The following XPO5 variants were observed in gnomAD, a reference collection of about 807,000 sequenced individuals.
XPO5 encodes the protein exportin-5.
A neutral mutation model predicts 160.6 loss-of-function variants in XPO5; 46 were observed. The ratio of observed to expected loss-of-function variants is 0.29; its 90% CI spans 0.23 to 0.37. The LOEUF is 0.37. Ranked by LOEUF, XPO5 falls within the 10% of genes least tolerant of loss-of-function variation. The pLI is 1.00. For synonymous variants in XPO5, 537 were observed against 519.3 expected (o/e 1.03, Z -0.46); for missense variants, 1,090 against 1,463.9 (o/e 0.74, Z 4.17).
intron 1 of XPO5, among the ~76,000 whole-genome samples, chr6:43,574,136 A>G (rs1250748136): frequency 1.3e-5 from 2 of 151,842 alleles, no homozygotes; most frequent in African/African-American, 4.8e-5. Context: ...GGCCCACTAA[A>G]AATATTTTTT....
At chr6:43,540,535 C>T (rs1422958349) in intron 20 of XPO5, among the ~76,000 whole-genome samples, 2 of 152,172 alleles carry the variant, frequency 1.3e-5, no homozygotes, top group Non-Finnish European at 2.9e-5. Context: ...CACCTGTAAT[C>T]CCAGCTACTC....
At chr6:43,540,919 A>AT (rs1794657476) in intron 20 of XPO5, among the ~76,000 whole-genome samples, 1 of 148,822 alleles carries the variant, frequency 6.7e-6, no homozygotes. Flanking sequence ...CTATTCAGCC[A>AT]TAAAAAAAAA....
chr6:43,524,333 C>G (rs1449403532), intron 31 of XPO5, 138 bp downstream of exon 31: 1 of 1,156,002 alleles, frequency 8.7e-7, no homozygotes, highest in Non-Finnish European at 1.2e-6. Flanking sequence ...GCCTGGGCAA[C>G]AAGAGTGAAA....
rs775502477 is a variant in XPO5, at chr6:43,558,459, T to C, written c.1312+42A>G. The C allele has an allele frequency of 9.9e-6, 15 of 1,522,398 alleles. No individual in the cohort carries two copies. In the African/African-American group the frequency reaches 1.4e-4, roughly 14 times the overall value. 94.3% of individuals were successfully genotyped at this position (1,522,398 alleles called of 1,614,324 possible). A position where few individuals can be genotyped will look rare whatever the true frequency, so the allele number is the denominator to read the frequency against. The stretch of plus-strand genomic sequence containing the variant: ...CCATGATTCATAATACTAGATGCCA[T>C]TCTGAGACTGTTGAGAGAAATCCAA... On this transcript the variant is annotated intron_variant, in intron 12 of 31. Transcript: ENST00000265351.
intron 3 of XPO5, among the ~76,000 whole-genome samples, chr6:43,571,956 G>A (rs775963302): frequency 3.3e-5 from 5 of 152,308 alleles, no homozygotes; most frequent in Non-Finnish European, 5.9e-5. Context: ...GAATCTTATT[G>A]ATTTGTTGAA....
At chr6:43,574,771 A>G (rs958709497) in intron 1 of XPO5, among the ~76,000 whole-genome samples, 4 of 152,202 alleles carry the variant, frequency 2.6e-5, no homozygotes, top group Non-Finnish European at 4.4e-5. Flanking sequence ...GGTGACAGGA[A>G]CATGCAGAAT....
chr6:43,560,247 C>T lies in XPO5; in HGVS notation c.1152G>A (p.Leu384=). Residue 384 remains leucine, a synonymous_variant, in exon 11 of 32, where the codon CTG becomes CTA. Transcript: ENST00000265351. ...TTGCTAATAGCAAAGGATCACGGGA[C>T]AGGATTTCATGCCTGAAGAGGGCTC... is the stretch of plus-strand genomic sequence containing the variant. ...TWGALFRHEI[L]SRDPLLLAII... 1 of 1,612,228 alleles carries T rather than the reference C, an allele frequency of 6.2e-7. No individual in the cohort carries two copies. Among genetic ancestry groups the T allele is most frequent in the Non-Finnish European group, 8.5e-7 (1 of 1,179,182 alleles).
At position 43,523,752 on chromosome 6, in the gene XPO5, T is replaced by C. The variant is rs748098205; in HGVS notation, c.*116A>G. The C allele has an allele frequency of 1.3e-6, 2 of 1,553,836 alleles. No homozygotes were observed. The highest frequency in any genetic ancestry group is 2.7e-5 in the African/African-American group (2 of 73,804). ...CTCCAGCTCCAGACCTGGATCTCTT[T>C]CCAGGCTGACAGTGGTGGAAAGTGA... is the stretch of plus-strand genomic sequence containing the variant. On this transcript the variant is annotated 3_prime_UTR_variant, in exon 32 of 32. Transcript: ENST00000265351.
chr6:43,570,095 G>A (rs1233369164), intron 5 of XPO5, among the ~76,000 whole-genome samples: 1 of 146,160 alleles, frequency 6.8e-6, no homozygotes, highest in Non-Finnish European at 1.5e-5. Context: ...GGCGGATCAT[G>A]AGGTCAGGAG....
chr6:43,526,975 C>T (rs990394429), intron 26 of XPO5: 17 of 529,418 alleles, frequency 3.2e-5, no homozygotes, highest in Non-Finnish European at 5.8e-5. Context: ...TTACAGAATT[C>T]TCTGAGAGTG....
rs1400514273 is a variant in XPO5 at position 43,524,066 on chromosome 6, C to T, written c.3478-61G>A. The T allele has an allele frequency of 1.9e-6, 3 of 1,576,060 alleles. No individual in the cohort carries two copies. In the Admixed American group the frequency reaches 5.4e-5, roughly 28 times the overall value. On this transcript the variant is annotated intron_variant, in intron 31 of 31. Transcript: ENST00000265351. ...CCCTCAGTAGTAGTTAAAAGATTCTCTTGGCCCGGCGCAGTGGCTCGCGCC... is the reference window on the plus strand; with the variant it reads ...CCCTCAGTAGTAGTTAAAAGATTCTTTTGGCCCGGCGCAGTGGCTCGCGCC...
chr6:43,568,577 G>T, intron 6 of XPO5, 134 bp downstream of exon 6: 2 of 734,900 alleles, frequency 2.7e-6, no homozygotes, highest in Non-Finnish European at 4.1e-6. Flanking sequence ...CTGCACTCCA[G>T]CCTGGGCAAC....
intron 12 of XPO5, 51 bp from the exon 13 acceptor site, chr6:43,556,015 A>G (rs1211704468): frequency 1.2e-6 from 2 of 1,604,852 alleles, no homozygotes; most frequent in African/African-American, 2.7e-5. Flanking sequence ...ACTGGTATAA[A>G]ATAAGTACTT....
At chr6:43,558,673 T>C in intron 11 of XPO5, 82 bp from the exon 12 acceptor site, 4 of 1,017,916 alleles carry the variant, frequency 3.9e-6, no homozygotes, top group Middle Eastern at 2.1e-4. Flanking sequence ...TTCAAGCACT[T>C]TTAATTTATT....
Position 43,561,064 on chromosome 6 carries a change from A to C in XPO5, c.1012-57T>G, listed in dbSNP as rs993231319. On this transcript the variant is annotated intron_variant, in intron 9 of 31. Transcript: ENST00000265351. ...TGATCGAGAAAAGCAGGAGAGGAAA[A>C]AGCAGGGAAGTAATAAAAACAGATA... 1.6e-5 allele frequency: 22 copies of C among 1,359,850 alleles called. No individual in the cohort carries two copies. In the Admixed American group the frequency reaches 2.4e-4, roughly 15 times the overall value. 84.2% of individuals were successfully genotyped at this position (1,359,850 alleles called of 1,614,324 possible). A position where few individuals can be genotyped will look rare whatever the true frequency, so the allele number is the denominator to read the frequency against.
At chr6:43,530,623 C>T (rs1245088736) in intron 23 of XPO5, 65 bp downstream of exon 23, 2 of 1,562,468 alleles carry the variant, frequency 1.3e-6, no homozygotes, top group East Asian at 4.5e-5. Flanking sequence ...GTTGCTGTGA[C>T]CTGTTTTGTT....
intron 14 of XPO5, among the ~76,000 whole-genome samples, chr6:43,551,962 C>G (rs1561877665): frequency 6.6e-6 from 1 of 152,212 alleles, no homozygotes; most frequent in Non-Finnish European, 1.5e-5. Context: ...CCACCGTACT[C>G]AGCTGTGCGT....
intron 24 of XPO5, 76 bp downstream of exon 24, chr6:43,528,752 C>A (rs1793759020): frequency 7.2e-7 from 1 of 1,395,790 alleles, no homozygotes; most frequent in African/African-American, 1.4e-5. Context: ...TCTAGGAGCT[C>A]CTGACTTGCA....
intron 8 of XPO5, among the ~76,000 whole-genome samples, chr6:43,565,110 T>C (rs937829802): frequency 5.9e-5 from 9 of 151,936 alleles, no homozygotes; most frequent in Admixed American, 2.0e-4. Context: ...TTAGTAGAGA[T>C]GGGGTTTCAC....
Sources: gnomAD v4.1 joint callset for allele counts (sites outside exome capture counted in the v4.1 genomes callset) on GRCh38, gnomAD v4.1.1 for gene constraint, MANE v1.5 for transcripts, NCBI Gene and HGNC (gene_info 2026-07-23, HGNC 2026-07-21) for gene names.